The following SYBU variants were observed in gnomAD, a reference collection of about 807,000 sequenced individuals.
The protein encoded by SYBU is GOLSYN A protein.
A neutral mutation model predicts 35.9 loss-of-function variants in SYBU; 21 were observed. The ratio of observed to expected loss-of-function variants is 0.58; its 90% CI spans 0.41 to 0.84. The LOEUF (loss-of-function observed/expected upper bound fraction) is 0.84, where lower values mean the gene tolerates loss of function less well. Among genes scored for constraint, SYBU ranks in the 40% least tolerant of loss-of-function variants. The probability of loss-of-function intolerance (pLI) is 0.00; values close to 1 mark genes in which losing one functional copy is unlikely to be tolerated. For missense variants in SYBU, 768 were observed against 848.2 expected, an observed-to-expected ratio of 0.91 and a Z score of 1.17; for synonymous variants, 319 against 324.3, an observed-to-expected ratio of 0.98 and a Z score of 0.18.
chr8:109,574,675 A>G lies in SYBU; in HGVS notation c.*231T>C. ...CCTCAGACGACACGGCAGGGTCATG[A>G]GCATGCTTTCTATACCCCACTGGTG... On this transcript the variant is annotated 3_prime_UTR_variant, in exon 7 of 7. Transcript: ENST00000276646. 2.4e-6 allele frequency: 1 copy of G among 416,936 alleles called. No homozygotes were observed. Among genetic ancestry groups the G allele is most frequent in the Non-Finnish European group, 4.2e-6 (1 of 238,034 alleles). 25.8% of individuals were successfully genotyped at this position (416,936 alleles called of 1,614,324 possible).
At chr8:109,625,785 A>G (rs1217365822) in intron 2 of SYBU, among the ~76,000 whole-genome samples, 2 of 152,088 alleles carry the variant, frequency 1.3e-5, no homozygotes, top group Non-Finnish European at 2.9e-5. Flanking sequence ...AATTTTTCTC[A>G]CTGTTATTAA....
At chr8:109,651,698 C>T (rs1816149126) in intron 1 of SYBU, among the ~76,000 whole-genome samples, 1 of 152,028 alleles carries the variant, frequency 6.6e-6, no homozygotes, top group African/African-American at 2.4e-5. Flanking sequence ...GACGCAAAGC[C>T]TAGCATTTAT....
intron 1 of SYBU, among the ~76,000 whole-genome samples, chr8:109,666,886 A>C (rs1364144593): frequency 6.6e-6 from 1 of 152,194 alleles, no homozygotes; most frequent in Non-Finnish European, 1.5e-5. Flanking sequence ...TTACATTCAT[A>C]TGAGATTCTC....
At chr8:109,689,666 A>G (rs71526742) in intron 1 of SYBU, among the ~76,000 whole-genome samples, 7 of 152,112 alleles carry the variant, frequency 4.6e-5, no homozygotes, top group Admixed American at 1.3e-4. Context: ...TCGTGTAACC[A>G]CAATAATCAA....
intron 6 of SYBU, 78 bp downstream of exon 6, chr8:109,577,790 C>G: frequency 1.4e-6 from 2 of 1,401,366 alleles, no homozygotes; most frequent in East Asian, 4.9e-5. Flanking sequence ...TTCTATCTTT[C>G]TATAGTTTGG....
chr8:109,685,468 G>A (rs1229564968), upstream of SYBU, among the ~76,000 whole-genome samples: 4 of 152,192 alleles, frequency 2.6e-5, no homozygotes, highest in Non-Finnish European at 5.9e-5. Context: ...CACTCACTAT[G>A]AGTTAGGAAC....
At chr8:109,608,078 G>A in intron 3 of SYBU, 1 of 820,698 alleles carries the variant, frequency 1.2e-6, no homozygotes, top group African/African-American at 1.7e-5. Flanking sequence ...TTCTGCATGT[G>A]CAGGGCAAGG....
chr8:109,635,314 TG>T (rs766791526), intron 2 of SYBU, among the ~76,000 whole-genome samples: 18 of 152,234 alleles, frequency 1.2e-4, no homozygotes, highest in African/African-American at 4.1e-4. Flanking sequence ...TCTTTTCCTT[TG>T]GAAGTGGAGA....
intron 1 of SYBU, chr8:109,643,778 C>A (rs1815217509): frequency 3.1e-6 from 1 of 320,994 alleles, no homozygotes. Context: ...AGAGAGCACA[C>A]CAATGAATGT....
At chr8:109,611,751 C>A (rs2022931) in intron 3 of SYBU, among the ~76,000 whole-genome samples, 49,400 of 151,770 alleles carry the variant, frequency 0.33, 9,407 homozygotes, top group African/African-American at 0.53. Context: ...AAAACACTGA[C>A]GACCTTAACA....
chr8:109,654,908 C>T (rs1344350324), intron 1 of SYBU, among the ~76,000 whole-genome samples: 1 of 152,206 alleles, frequency 6.6e-6, no homozygotes, highest in African/African-American at 2.4e-5. Flanking sequence ...GTTCATTTCT[C>T]TACCACCTCT....
upstream of SYBU, among the ~76,000 whole-genome samples, chr8:109,684,993 G>A (rs925480780): frequency 6.6e-6 from 1 of 152,170 alleles, no homozygotes; most frequent in Admixed American, 6.5e-5. Context: ...TTCACATGAT[G>A]TCATGAAAAT....
chr8:109,607,808 T>TCA (rs71305960), intron 3 of SYBU: 47,223 of 373,508 alleles, frequency 0.13, 1,483 homozygotes, highest in East Asian at 0.15. Context: ...CACAACTAAC[T>TCA]CACACACACA....
In SYBU at chr8:109,574,799, GGAGCAAAA is replaced by G. The variant is rs1822016683; in HGVS notation, c.*99_*106del. The G allele has an allele frequency of 1.6e-6, 2 of 1,273,256 alleles. No homozygotes were observed. The highest frequency in any genetic ancestry group is 2.1e-6 in the Non-Finnish European group (2 of 936,330). The allele number at this position is 1,273,256 out of a possible 1,614,324, so 78.9% of individuals were successfully genotyped here. A position where few individuals can be genotyped will look rare whatever the true frequency, so the allele number is the denominator to read the frequency against. ...AAATATAGTGCAAATCAAATACCAA[GGAGCAAAA>G]CGACAGAATAGAGACTGTCACAGAT... On this transcript the variant is annotated 3_prime_UTR_variant, in exon 7 of 7. Transcript: ENST00000276646.
intron 3 of SYBU, among the ~76,000 whole-genome samples, chr8:109,612,620 C>T (rs1040053601): frequency 4.6e-5 from 7 of 152,190 alleles, no homozygotes; most frequent in Non-Finnish European, 7.3e-5. Context: ...ATTCAATCTG[C>T]TTTTACATCA....
chr8:109,615,160 T>C (rs369076112), intron 3 of SYBU, among the ~76,000 whole-genome samples: 1 of 152,172 alleles, frequency 6.6e-6, no homozygotes. Flanking sequence ...TTAGGTTACT[T>C]AATATTAAAG....
rs1262053423 is a variant in SYBU, at chr8:109,642,753, G to A, written c.204C>T (p.Thr68=). ...NPSSSGRSAR[T]VSSNSFCSDD... is the part of the protein sequence containing the mutation. ...CTGAGCAGAAGCTGTTGCTGCTAACGGTCCTCGCTGAGCGCCCAGAGCTGC... is the reference window on the plus strand; with the variant it reads ...CTGAGCAGAAGCTGTTGCTGCTAACAGTCCTCGCTGAGCGCCCAGAGCTGC... Residue 68 remains threonine (T), a synonymous_variant, in exon 2 of 7, where the codon ACC becomes ACT. Transcript: ENST00000276646. 46 of 1,608,512 alleles carry A rather than the reference G, an allele frequency of 2.9e-5. No individual in the cohort carries two copies. Among genetic ancestry groups the A allele is most frequent in the Non-Finnish European group, 3.8e-5 (45 of 1,177,672 alleles).
intron 4 of SYBU, chr8:109,585,675 AG>A (rs1823527722): frequency 6.0e-6 from 1 of 167,604 alleles, no homozygotes; most frequent in African/African-American, 2.4e-5. Flanking sequence ...GAAGAAAAAA[AG>A]GGTGAAGTCA....
upstream of SYBU, among the ~76,000 whole-genome samples, chr8:109,683,038 A>C (rs1007278855): frequency 2.0e-5 from 3 of 152,238 alleles, no homozygotes; most frequent in African/African-American, 7.2e-5. Flanking sequence ...GTATGGAATC[A>C]CCTGGATGTC....
Sources: gnomAD v4.1 joint callset for allele counts (sites outside exome capture counted in the v4.1 genomes callset) on GRCh38, gnomAD v4.1.1 for gene constraint, MANE v1.5 for transcripts, NCBI Gene and HGNC (gene_info 2026-07-23, HGNC 2026-07-21) for gene names.